The following STARD13 variants were observed in gnomAD, a reference collection of about 807,000 sequenced individuals.
STARD13 encodes the protein stAR-related lipid transfer protein 13.
STARD13 carries 62 observed loss-of-function variants against 106.4 expected under a neutral mutation model. The observed-to-expected ratio is 0.58, with a 90% CI of 0.48 to 0.72. STARD13 has a LOEUF of 0.72. Among genes scored for constraint, STARD13 ranks in the 30% least tolerant of loss-of-function variants. The pLI, the probability that STARD13 is intolerant of heterozygous loss-of-function variation, is 0.00. For synonymous variants in STARD13, 565 were observed against 553.0 expected, an observed-to-expected ratio of 1.02 and a Z score of -0.31; for missense variants, 1,387 against 1,424.0, an observed-to-expected ratio of 0.97 and a Z score of 0.42.
the STARD13 span, among the ~76,000 whole-genome samples, chr13:33,519,208 TTTTCTTTC>T: frequency 0.041 from 4,127 of 101,242 alleles, 85 homozygotes; most frequent in East Asian, 0.054. Flanking sequence ...CTTGGTAATT[TTTTCTTTC>T]TTTCTTTCTT....
At chr13:33,471,903 T>G in the STARD13 span, among the ~76,000 whole-genome samples, 1 of 152,166 alleles carries the variant, frequency 6.6e-6, no homozygotes, top group African/African-American at 2.4e-5. Flanking sequence ...AGAATATTCT[T>G]TCTTTATAAG....
At chr13:33,348,886 A>G (rs946583145) in exon 2 of STARD13, 5 of 453,664 alleles carry the variant, frequency 1.1e-5, no homozygotes, top group African/African-American at 7.8e-5. Flanking sequence ...TGAACATTGT[A>G]TGCTTACAAC....
chr13:33,367,130 T>A, the STARD13 span, among the ~76,000 whole-genome samples: 351 of 152,354 alleles, frequency 2.3e-3, 1 homozygote, highest in African/African-American at 7.9e-3. Flanking sequence ...TCTGCCGCTA[T>A]GGAGATAATA....
At chr13:33,529,062 C>A in the STARD13 span, among the ~76,000 whole-genome samples, 1 of 152,014 alleles carries the variant, frequency 6.6e-6, no homozygotes, top group South Asian at 2.1e-4. Context: ...AAGATATTGA[C>A]AGAACTTCAG....
At chr13:33,637,726 C>T in the STARD13 span, among the ~76,000 whole-genome samples, 1 of 152,146 alleles carries the variant, frequency 6.6e-6, no homozygotes, top group Non-Finnish European at 1.5e-5. Context: ...TTGTCAAAGA[C>T]TGAAAAATAG....
chr13:33,193,396 T>C (rs546368012), intron 1 of STARD13, among the ~76,000 whole-genome samples: 3 of 152,248 alleles, frequency 2.0e-5, no homozygotes, highest in African/African-American at 7.2e-5. Context: ...AAGAGCTTTT[T>C]AAGAGGTGAG....
chr13:33,664,611 G>A, the STARD13 span, among the ~76,000 whole-genome samples: 1 of 152,052 alleles, frequency 6.6e-6, no homozygotes, highest in Admixed American at 6.5e-5. Flanking sequence ...TTCAGTTACC[G>A]AACTTAAAAA....
At chr13:33,126,451 G>A (rs1341735756) in intron 6 of STARD13, among the ~76,000 whole-genome samples, 1 of 152,198 alleles carries the variant, frequency 6.6e-6, no homozygotes, top group East Asian at 1.9e-4. Flanking sequence ...AACAGCATGA[G>A]TCACGTTCCC....
At chr13:33,375,721 T>C in the STARD13 span, among the ~76,000 whole-genome samples, 1 of 152,098 alleles carries the variant, frequency 6.6e-6, no homozygotes, top group Non-Finnish European at 1.5e-5. Flanking sequence ...CATGAGTCAA[T>C]TACCTCCCAC....
intron 1 of STARD13, among the ~76,000 whole-genome samples, chr13:33,326,026 A>C (rs960169964): frequency 3.3e-5 from 5 of 150,518 alleles, no homozygotes; most frequent in Non-Finnish European, 7.4e-5. Flanking sequence ...AGTGAAGCTG[A>C]AAGAATATAT....
Position 33,129,177 on chromosome 13 carries a change from G to T in STARD13, c.1500C>A (p.Val500=). The change falls in exon 5 of 14, where the codon GTC becomes GTA. Residue 500 remains valine, a synonymous_variant. Transcript: ENST00000336934. ...LQHVNGLQEV[V]DDWSKDVLPE... ...GCAAGACATCTTTGGACCAGTCATC[G>T]ACTACCTCTTGGAGCCCATTGACAT... is the stretch of plus-strand genomic sequence containing the variant. 2 of 1,614,178 alleles carry T rather than the reference G, an allele frequency of 1.2e-6. No individual in the cohort carries two copies. Among genetic ancestry groups the T allele is most frequent in the South Asian group, 1.1e-5 (1 of 91,082 alleles).
At chr13:33,450,783 G>A in the STARD13 span, among the ~76,000 whole-genome samples, 1 of 152,178 alleles carries the variant, frequency 6.6e-6, no homozygotes, top group Non-Finnish European at 1.5e-5. Flanking sequence ...AAAACACAGG[G>A]AGAGGGGAAT....
the STARD13 span, among the ~76,000 whole-genome samples, chr13:33,477,000 G>A: frequency 6.6e-6 from 1 of 152,192 alleles, no homozygotes; most frequent in Admixed American, 6.5e-5. Context: ...TACTGTAAAA[G>A]AGGTGGGCAC....
intron 1 of STARD13, among the ~76,000 whole-genome samples, chr13:33,307,240 C>G (rs1892944128): frequency 6.6e-6 from 1 of 152,190 alleles, no homozygotes; most frequent in Non-Finnish European, 1.5e-5. Context: ...TTGTGGAAGA[C>G]AGTGTGGCAA....
At chr13:33,496,499 T>A in the STARD13 span, among the ~76,000 whole-genome samples, 142 of 152,094 alleles carry the variant, frequency 9.3e-4, 1 homozygote, top group African/African-American at 3.1e-3. Flanking sequence ...GTTCTCTCCC[T>A]AACTTATCAT....
At chr13:33,177,125 T>C (rs987872422) in intron 1 of STARD13, among the ~76,000 whole-genome samples, 1 of 152,232 alleles carries the variant, frequency 6.6e-6, no homozygotes, top group African/African-American at 2.4e-5. Flanking sequence ...TTTAATTCCC[T>C]GGCTAGCTTT....
intron 1 of STARD13, among the ~76,000 whole-genome samples, chr13:33,321,039 A>T (rs1274376007): frequency 2.0e-5 from 3 of 152,210 alleles, no homozygotes; most frequent in Non-Finnish European, 2.9e-5. Context: ...ATCATTCAAT[A>T]TTGTATGTTT....
chr13:33,635,720 C>T, the STARD13 span, among the ~76,000 whole-genome samples: 1 of 151,988 alleles, frequency 6.6e-6, no homozygotes, highest in East Asian at 1.9e-4. Context: ...CAGTGGTTCA[C>T]ACCTGTAATC....
At chr13:33,208,473 T>C (rs1291970638) in intron 1 of STARD13, among the ~76,000 whole-genome samples, 1 of 152,012 alleles carries the variant, frequency 6.6e-6, no homozygotes, top group African/African-American at 2.4e-5. Context: ...AAATGAGTCA[T>C]CAAAGGTGGG....
Sources: allele counts gnomAD v4.1 joint callset (sites outside exome capture counted in the v4.1 genomes callset), GRCh38; gene constraint gnomAD v4.1.1; transcripts MANE v1.5; gene names NCBI Gene and HGNC (gene_info 2026-07-23, HGNC 2026-07-21).